PLAGL1: variants seen among roughly 807,000 people sequenced by gnomAD.
PLAGL1 encodes PLAG1 like zinc finger 1, also known as zinc finger protein PLAGL1.
A neutral mutation model predicts 4.6 loss-of-function variants in PLAGL1; 1 was observed. That is an observed-to-expected ratio of 0.22 (90% CI 0.08 to 1.03). The LOEUF is 1.03. Ranked by LOEUF, PLAGL1 falls within the 50% of genes least tolerant of loss-of-function variation. PLAGL1 has a pLI of 0.58. For missense variants in PLAGL1, 464 were observed against 570.4 expected (o/e 0.81, Z 1.90); for synonymous variants, 240 against 237.8 (o/e 1.01, Z -0.08).
In PLAGL1 at chr6:143,954,635, C is replaced by G. The variant is rs945536643; in HGVS notation, c.-325+5834G>C. ...GAAAGGAGAGGAGATGATTTTTAAA[C>G]TAACAAAACAGAGTATACTATCTTC... On this transcript the variant is annotated intron_variant, in intron 6 of 7. Transcript: ENST00000674357. This position sits in a 1 kb window ranked among gnomAD's most constrained non-coding sequence, Gnocchi z 5.1. 6.6e-6 allele frequency among the ~76,000 whole-genome samples: 1 copy of G among 152,132 alleles called. No individual in the cohort carries two copies. The highest frequency in any genetic ancestry group is 1.5e-5 in the Non-Finnish European group (1 of 68,034).
rs1292738132 is a variant in PLAGL1, at chr6:143,940,337, T to C, written c.*1087A>G. On this transcript the variant is annotated 3_prime_UTR_variant, in exon 8 of 8. Coordinates refer to ENST00000674357, the MANE Select transcript of PLAGL1 (RefSeq NM_001317162.2). Reference sequence around the variant, plus strand: ...AAAAGTTTATTATATGTAAGATATATGTTTACGGAAAAGCCTCTAAAAACA... The same window carrying C: ...AAAAGTTTATTATATGTAAGATATACGTTTACGGAAAAGCCTCTAAAAACA... 1 of 152,218 alleles carries C rather than the reference T, an allele frequency of 6.6e-6. No individual in the cohort carries two copies. Among genetic ancestry groups the C allele is most frequent in the Non-Finnish European group, 1.5e-5 (1 of 68,048 alleles). 9.4% of individuals were successfully genotyped at this position (152,218 alleles called of 1,614,324 possible).
chr6:144,014,683 G>A (rs1795449859), intron 1 of PLAGL1, among the ~76,000 whole-genome samples: 2 of 152,002 alleles, frequency 1.3e-5, no homozygotes, highest in Admixed American at 6.6e-5. Flanking sequence ...AGTTTCAAGT[G>A]ATTCTACTGC....
intron 2 of PLAGL1, among the ~76,000 whole-genome samples, chr6:143,976,213 A>C (rs1485537168): frequency 6.6e-6 from 1 of 150,386 alleles, no homozygotes; most frequent in Non-Finnish European, 1.5e-5. Context: ...GGTGACATTT[A>C]TCCAACCTTT....
rs528609102 is a variant in PLAGL1 at position 144,048,934 on chromosome 6, T to A, written c.-151+15534A>T. Among the ~76,000 whole-genome samples the A allele has an allele frequency of 5.9e-5, 9 of 152,224 alleles. No homozygotes were observed. The highest frequency in any genetic ancestry group is 1.2e-4 in the Non-Finnish European group (8 of 68,038). On this transcript the variant is annotated intron_variant, in intron 1 of 3. Coordinates refer to the PLAGL1 transcript ENST00000437412. This position sits in a 1 kb window ranked among gnomAD's most constrained non-coding sequence, Gnocchi z 4.8. ...TTCCCTTTTAAATCCAAATTCCAAT[T>A]TCAAACCATCTCTTTGTGAATGCAT... is the stretch of plus-strand genomic sequence containing the variant.
rs79005165 is a variant in PLAGL1, at chr6:144,027,238, A to T, written c.-151+37230T>A. On this transcript the variant is annotated intron_variant, in intron 1 of 3. Coordinates refer to the PLAGL1 transcript ENST00000437412. The surrounding 1 kb of genome is among the most constrained non-coding windows in gnomAD (Gnocchi z 5.8). ...GACCCCAACTCAAAGAACGAACGAA[A>T]GAAAGAAAGAAAGAAAGAAAGAAAG... 9.2e-5 allele frequency among the ~76,000 whole-genome samples: 6 copies of T among 65,378 alleles called. No individual in the cohort carries two copies. The highest frequency in any genetic ancestry group is 2.2e-4 in the African/African-American group (5 of 22,322). 42.9% of individuals were successfully genotyped at this position (65,378 alleles called of 152,430 possible). A position where few individuals can be genotyped will look rare whatever the true frequency, so the allele number is the denominator to read the frequency against.
chr6:144,057,872 G>A (rs771710962), intron 1 of PLAGL1, among the ~76,000 whole-genome samples: 2 of 151,224 alleles, frequency 1.3e-5, no homozygotes, highest in Non-Finnish European at 2.9e-5. Flanking sequence ...ATGTCTGAAG[G>A]AACTTATTAT....
chr6:143,998,517 C>T (rs1185358196), intron 1 of PLAGL1, among the ~76,000 whole-genome samples: 1 of 152,060 alleles, frequency 6.6e-6, no homozygotes, highest in Non-Finnish European at 1.5e-5. Flanking sequence ...AATTGTAGCA[C>T]AATTATAGTA....
At position 144,004,229 on chromosome 6, in the gene PLAGL1, TGCAGTGCAGTG is replaced by T. The variant is rs1363969645; in HGVS notation, c.-584+3850_-584+3860del. ...GGGGTCATCTCACTGTCACCCAGGCTGCAGTGCAGTGGCATGATCGTAGTTCACTGTAAGCT... is the reference window on the plus strand; with the variant it reads ...GGGGTCATCTCACTGTCACCCAGGCTGCATGATCGTAGTTCACTGTAAGCT... On this transcript the variant is annotated intron_variant, in intron 1 of 7. Transcript: ENST00000674357. This position sits in a 1 kb window ranked among gnomAD's most constrained non-coding sequence, Gnocchi z 4.2. Among the ~76,000 whole-genome samples, 1 of 152,046 alleles carries T rather than the reference TGCAGTGCAGTG, an allele frequency of 6.6e-6. No homozygotes were observed. Among genetic ancestry groups the T allele is most frequent in the Non-Finnish European group, 1.5e-5 (1 of 68,016 alleles).
chr6:143,982,204 T>C lies in PLAGL1; in HGVS notation c.-544+2931A>G, dbSNP rs921590382. ...AAGAGACAGGAAGTGCTAAGAGATT[T>C]AGCAGTGAAAACAGTGTCAATTTAA... is the stretch of plus-strand genomic sequence containing the variant. On this transcript the variant is annotated intron_variant, in intron 2 of 7. Transcript: ENST00000674357. The surrounding 1 kb of genome is among the most constrained non-coding windows in gnomAD (Gnocchi z 5.3). Among the ~76,000 whole-genome samples the C allele has an allele frequency of 1.3e-5, 2 of 152,154 alleles. No individual in the cohort carries two copies. Among genetic ancestry groups the C allele is most frequent in the African/African-American group, 4.8e-5 (2 of 41,416 alleles).
At position 143,973,774 on chromosome 6, in the gene PLAGL1, C is replaced by T. The variant is rs766961632; in HGVS notation, c.-543-4796G>A. Reference sequence around the variant, plus strand: ...GGCTACACCCAATAAGCTACTACAACGTGATGAATTCAGAGCTGCAGTTTC... The same window carrying T: ...GGCTACACCCAATAAGCTACTACAATGTGATGAATTCAGAGCTGCAGTTTC... On this transcript the variant is annotated intron_variant, in intron 2 of 7. Transcript: ENST00000674357. This position sits in a 1 kb window ranked among gnomAD's most constrained non-coding sequence, Gnocchi z 6.2. 4.6e-5 allele frequency among the ~76,000 whole-genome samples: 7 copies of T among 152,172 alleles called. No individual in the cohort carries two copies. The highest frequency in any genetic ancestry group is 6.5e-5 in the Admixed American group (1 of 15,280).
intron 1 of PLAGL1, among the ~76,000 whole-genome samples, chr6:144,029,669 A>G (rs1163459002): frequency 2.6e-5 from 4 of 152,194 alleles, no homozygotes; most frequent in African/African-American, 9.6e-5. Flanking sequence ...GGAGAAAGGC[A>G]CTCTCATCTC....
In PLAGL1 at chr6:143,983,955, C is replaced by T. The variant is rs1429448923; in HGVS notation, c.-544+1180G>A. On this transcript the variant is annotated intron_variant, in intron 2 of 7. Coordinates refer to ENST00000674357, the MANE Select transcript of PLAGL1 (RefSeq NM_001317162.2). This position sits in a 1 kb window ranked among gnomAD's most constrained non-coding sequence, Gnocchi z 6.6. ...GAGAAGCCAGGCTGTTAAGACTCTACGAAGCCTGAAAATCACCAAGAATTA... is the reference window on the plus strand; with the variant it reads ...GAGAAGCCAGGCTGTTAAGACTCTATGAAGCCTGAAAATCACCAAGAATTA... Among the ~76,000 whole-genome samples, 1 of 151,870 alleles carries T rather than the reference C, an allele frequency of 6.6e-6. No individual in the cohort carries two copies. Among genetic ancestry groups the T allele is most frequent in the African/African-American group, 2.4e-5 (1 of 41,332 alleles).
At chr6:144,049,846 G>T (rs141537095) in intron 1 of PLAGL1, among the ~76,000 whole-genome samples, 83 of 152,298 alleles carry the variant, frequency 5.4e-4, no homozygotes, top group African/African-American at 1.9e-3. Context: ...TACTTAGAAG[G>T]TGGCTCCAAA....
intron 1 of PLAGL1, among the ~76,000 whole-genome samples, chr6:144,043,579 G>GT (rs1797900867): frequency 6.6e-6 from 1 of 152,118 alleles, no homozygotes; most frequent in Admixed American, 6.5e-5. Flanking sequence ...TGGTTTGCCA[G>GT]TATTTTATTG....
upstream of PLAGL1, among the ~76,000 whole-genome samples, chr6:144,011,936 A>G (rs139494491): frequency 1.4e-4 from 21 of 152,316 alleles, no homozygotes; most frequent in East Asian, 3.3e-3. This position sits in a 1 kb window ranked among gnomAD's most constrained non-coding sequence, Gnocchi z 4.3. Context: ...AGGTTCCTCA[A>G]CATCTCACAG....
chr6:144,030,281 A>AAAAAGAAG (rs1296064916), intron 1 of PLAGL1, among the ~76,000 whole-genome samples: 8 of 132,968 alleles, frequency 6.0e-5, no homozygotes, highest in African/African-American at 2.5e-4. Context: ...AAAAAAAAAA[A>AAAAAGAAG]AAGAAGATGT....
chr6:144,003,571 C>T lies in PLAGL1; in HGVS notation c.-584+4519G>A, dbSNP rs561172114. Among the ~76,000 whole-genome samples the T allele has an allele frequency of 8.0e-5, 12 of 149,696 alleles. No individual in the cohort carries two copies. The Admixed American group carries it at 8.0e-4, about 10-fold the overall frequency. ...CCTGGGAGGCGGAGTTTGCAGTGAG[C>T]CGAGGTCGTGCCACTGCACTCCAGC... On this transcript the variant is annotated intron_variant, in intron 1 of 7. Transcript: ENST00000674357.
Position 144,039,768 on chromosome 6 carries a change from G to T in PLAGL1, c.-151+24700C>A, listed in dbSNP as rs1562600244. On this transcript the variant is annotated intron_variant, in intron 1 of 3. Coordinates refer to the PLAGL1 transcript ENST00000437412. This position sits in a 1 kb window ranked among gnomAD's most constrained non-coding sequence, Gnocchi z 4.1. ...AATGCTACAGAAATTCCATTCCTGG[G>T]TATAAATCCTAGACATATTTATGCA... is the stretch of plus-strand genomic sequence containing the variant. 1.3e-5 allele frequency among the ~76,000 whole-genome samples: 2 copies of T among 152,096 alleles called. No homozygotes were observed. Among genetic ancestry groups the T allele is most frequent in the Non-Finnish European group, 2.9e-5 (2 of 68,020 alleles).
rs1655044099 is a variant in PLAGL1, at chr6:143,973,943, A to T, written c.-543-4965T>A. Among the ~76,000 whole-genome samples the T allele has an allele frequency of 6.6e-6, 1 of 152,240 alleles. No individual in the cohort carries two copies. Among genetic ancestry groups the T allele is most frequent in the Non-Finnish European group, 1.5e-5 (1 of 68,046 alleles). On this transcript the variant is annotated intron_variant, in intron 2 of 7. Transcript: ENST00000674357. The surrounding 1 kb of genome is among the most constrained non-coding windows in gnomAD (Gnocchi z 6.2). ...TTGTACAACAAAAGTGTGAACAGAG[A>T]TATAACAGGTTTTTTTGGATCCAGG...
Sources: gnomAD v4.1 joint callset for allele counts (sites outside exome capture counted in the v4.1 genomes callset) on GRCh38, gnomAD v4.1.1 for gene constraint, Gnocchi (gnomAD v3.1) non-coding constraint, MANE v1.5 for transcripts, NCBI Gene and HGNC (gene_info 2026-07-23, HGNC 2026-07-21) for gene names.